The following PCGF6 variants were observed in gnomAD, a reference collection of about 807,000 sequenced individuals.
The protein encoded by PCGF6 is polycomb group RING finger protein 6.
In PCGF6, 24 loss-of-function variants were observed where a neutral mutation model predicts 45.5. The observed-to-expected ratio is 0.53, with a 90% CI of 0.38 to 0.74. The LOEUF (loss-of-function observed/expected upper bound fraction) is 0.74, where lower values mean the gene tolerates loss of function less well. PCGF6 is among the 30% of genes least tolerant of loss of function. The pLI, the probability that PCGF6 is intolerant of heterozygous loss-of-function variation, is 0.00. For synonymous variants in PCGF6, 152 were observed against 162.1 expected (o/e 0.94, Z 0.47); for missense variants, 356 against 443.2 (o/e 0.80, Z 1.77).
chr10:103,347,076 A>G (rs1484383114), intron 5 of PCGF6, among the ~76,000 whole-genome samples, 162 bp downstream of exon 5: 1 of 152,218 alleles, frequency 6.6e-6, no homozygotes, highest in African/African-American at 2.4e-5. Context: ...CACAGTCTGC[A>G]ATCTCTAATT....
At chr10:103,316,011 T>G (rs35225295) in intron 8 of PCGF6, among the ~76,000 whole-genome samples, 9,090 of 129,150 alleles carry the variant, frequency 0.07, 299 homozygotes, top group Non-Finnish European at 0.084. Context: ...TATATATATA[T>G]ATAGAGAGAG....
At chr10:103,318,607 T>A (rs1228875303) in intron 8 of PCGF6, among the ~76,000 whole-genome samples, 2 of 151,530 alleles carry the variant, frequency 1.3e-5, no homozygotes, top group African/African-American at 4.9e-5. Flanking sequence ...TAGCCGGGCA[T>A]GGTGGCGGTC....
intron 1 of PCGF6, 141 bp downstream of exon 1, chr10:103,350,566 G>T (rs1321440723): frequency 2.6e-6 from 2 of 784,314 alleles, no homozygotes; most frequent in South Asian, 4.0e-5. Context: ...TAGGCAGCCG[G>T]GGCAGAGGTC....
intron 7 of PCGF6, among the ~76,000 whole-genome samples, chr10:103,327,531 TATC>T (rs1019642679): frequency 2.0e-5 from 3 of 152,300 alleles, no homozygotes; most frequent in Admixed American, 2.0e-4. Flanking sequence ...AAAACTGTAG[TATC>T]ATTATTATGT....
At chr10:103,313,665 T>G (rs2093165019) in intron 9 of PCGF6, among the ~76,000 whole-genome samples, 1 of 152,176 alleles carries the variant, frequency 6.6e-6, no homozygotes, top group South Asian at 2.1e-4. Flanking sequence ...GAATTTGTGT[T>G]GGGCCCCATT....
At chr10:103,342,051 C>T (rs1471528486) in intron 6 of PCGF6, among the ~76,000 whole-genome samples, 3 of 151,514 alleles carry the variant, frequency 2.0e-5, no homozygotes, top group Non-Finnish European at 4.4e-5. Flanking sequence ...TCTCCTGTCT[C>T]AGCCTCCCAA....
intron 6 of PCGF6, among the ~76,000 whole-genome samples, chr10:103,341,062 T>C (rs911957455): frequency 1.3e-5 from 2 of 151,778 alleles, no homozygotes; most frequent in Non-Finnish European, 2.9e-5. Flanking sequence ...AAACCCTGTC[T>C]CTACTAAAAA....
In PCGF6 at chr10:103,350,905, G is replaced by T. The variant is rs2093318804; in HGVS notation, c.162C>A (p.Pro54=). ...CAGGGGGCCGGGAGCCGGAGCAGCC[G>T]GGAGCCCCCGTCTCAGACAGAGGCG... The part of the protein sequence containing the change: ...GPAPLSETGA[P]GCSGSRPPEL... Residue 54 remains proline, a synonymous_variant, in exon 1 of 10, where the codon CCC becomes CCA. Coordinates refer to ENST00000369847, the MANE Select transcript of PCGF6 (RefSeq NM_001011663.2). 6.6e-7 allele frequency: 1 copy of T among 1,525,076 alleles called. No individual in the cohort carries two copies. 94.5% of individuals were successfully genotyped at this position (1,525,076 alleles called of 1,614,324 possible).
At chr10:103,305,214 A>G (rs1048426344) in intron 9 of PCGF6, among the ~76,000 whole-genome samples, 1 of 137,722 alleles carries the variant, frequency 7.3e-6, no homozygotes, top group Admixed American at 7.4e-5. Context: ...GCTTCAAGCA[A>G]TACCCCCATC....
Position 103,330,355 on chromosome 10 carries a change from G to C in PCGF6, c.810+3570C>G, listed in dbSNP as rs1441237721. ...CTCCTAAAGTGCTGGGATTACAGGC[G>C]TTAGCCACCGTGCCTGGACAAGCAT... On this transcript the variant is annotated intron_variant, in intron 7 of 9. Coordinates refer to ENST00000369847, the MANE Select transcript of PCGF6 (RefSeq NM_001011663.2). Among the ~76,000 whole-genome samples the C allele has an allele frequency of 2.0e-5, 3 of 152,084 alleles. 1 individual carries two copies. Among genetic ancestry groups the C allele is most frequent in the African/African-American group, 7.2e-5 (3 of 41,506 alleles).
At chr10:103,341,789 T>C (rs2093281825) in intron 6 of PCGF6, among the ~76,000 whole-genome samples, 1 of 152,022 alleles carries the variant, frequency 6.6e-6, no homozygotes. Flanking sequence ...TTAAAAGATA[T>C]TACTCCAGCC....
At chr10:103,342,077 G>C (rs1361775292) in intron 6 of PCGF6, among the ~76,000 whole-genome samples, 2 of 151,470 alleles carry the variant, frequency 1.3e-5, no homozygotes, top group Non-Finnish European at 2.9e-5. Context: ...TGGAATCACA[G>C]GCACGTGCCA....
At chr10:103,344,561 C>T (rs981033723) in intron 6 of PCGF6, among the ~76,000 whole-genome samples, 1 of 151,932 alleles carries the variant, frequency 6.6e-6, no homozygotes, top group Non-Finnish European at 1.5e-5. Flanking sequence ...AGCCACCATG[C>T]CCAGCCTTTT....
intron 9 of PCGF6, among the ~76,000 whole-genome samples, chr10:103,310,502 C>T (rs2093153439): frequency 6.6e-6 from 1 of 151,966 alleles, no homozygotes; most frequent in Non-Finnish European, 1.5e-5. Flanking sequence ...ACATTATGCA[C>T]ATATAACTAT....
chr10:103,320,215 T>A (rs979126423), intron 8 of PCGF6, among the ~76,000 whole-genome samples: 4 of 152,056 alleles, frequency 2.6e-5, no homozygotes, highest in African/African-American at 9.7e-5. Flanking sequence ...CTAAATTTCA[T>A]CTCATAAAAG....
At chr10:103,346,010 T>G (rs1251068097) in intron 5 of PCGF6, among the ~76,000 whole-genome samples, 1 of 150,666 alleles carries the variant, frequency 6.6e-6, no homozygotes, top group Non-Finnish European at 1.5e-5. Context: ...CTGGCCAACA[T>G]GGTGAAACCC....
In PCGF6 at chr10:103,347,386, G is replaced by C; in HGVS notation, c.613+9C>G. 6.2e-7 allele frequency: 1 copy of C among 1,600,278 alleles called. No homozygotes were observed. Among genetic ancestry groups the C allele is most frequent in the Non-Finnish European group, 8.6e-7 (1 of 1,168,174 alleles). The stretch of plus-strand genomic sequence containing the variant: ...TGGGATTCACAACCATGTAATAAAA[G>C]AAACTTACTTTCCTCTAGATTGATC... On this transcript the variant is annotated intron_variant, in intron 4 of 9. Transcript: ENST00000369847.
At chr10:103,323,605 T>G (rs1027262409) in intron 8 of PCGF6, among the ~76,000 whole-genome samples, 1 of 150,882 alleles carries the variant, frequency 6.6e-6, no homozygotes, top group African/African-American at 2.4e-5. Flanking sequence ...CCTTTTCTTT[T>G]TTTTGATATA....
At chr10:103,349,243 T>G (rs1456286740) in intron 1 of PCGF6, among the ~76,000 whole-genome samples, 1 of 151,524 alleles carries the variant, frequency 6.6e-6, no homozygotes, top group Non-Finnish European at 1.5e-5. Flanking sequence ...AGATGGGGTT[T>G]CACCATGTTG....
Sources: gnomAD v4.1 joint callset for allele counts (sites outside exome capture counted in the v4.1 genomes callset) on GRCh38, gnomAD v4.1.1 for gene constraint, MANE v1.5 for transcripts, NCBI Gene and HGNC (gene_info 2026-07-23, HGNC 2026-07-21) for gene names.